Variants in TCF24 observed in about 807,000 individuals in gnomAD.
TCF24 encodes the protein transcription factor 24.
In TCF24, 5 loss-of-function variants were observed where a neutral mutation model predicts 9.3. The ratio of observed to expected loss-of-function variants is 0.54; its 90% CI spans 0.28 to 1.13. The LOEUF (loss-of-function observed/expected upper bound fraction) is 1.13, where lower values mean the gene tolerates loss of function less well. Ranked by LOEUF, TCF24 falls within the 50% of genes most tolerant of loss-of-function variation. The pLI is 0.09. For synonymous variants in TCF24, 110 were observed against 115.8 expected, an observed-to-expected ratio of 0.95 and a Z score of 0.32; for missense variants, 220 against 236.1, an observed-to-expected ratio of 0.93 and a Z score of 0.45.
chr8:66,949,525 TC>T (rs1318541173), intron 3 of TCF24, among the ~76,000 whole-genome samples: 2 of 152,222 alleles, frequency 1.3e-5, no homozygotes, highest in East Asian at 1.9e-4. Flanking sequence ...TTGGGTTGGT[TC>T]CAAGTCTTTG....
At chr8:66,961,274 C>T in intron 3 of TCF24, 102 bp downstream of exon 3, 1 of 1,294,910 alleles carries the variant, frequency 7.7e-7, no homozygotes, top group Non-Finnish European at 9.8e-7. Context: ...TCCCGCCTCA[C>T]CCGAAAAGGA....
intron 3 of TCF24, among the ~76,000 whole-genome samples, chr8:66,959,487 A>G (rs779648583): frequency 2.6e-5 from 4 of 152,242 alleles, no homozygotes; most frequent in Non-Finnish European, 5.9e-5. Context: ...GGCGGTTTCA[A>G]TTATGTACAT....
chr8:66,956,663 A>G (rs1814158530), intron 3 of TCF24, among the ~76,000 whole-genome samples: 1 of 152,130 alleles, frequency 6.6e-6, no homozygotes, highest in African/African-American at 2.4e-5. Context: ...CGCCCAGCCA[A>G]ACTAATATGT....
At chr8:66,950,775 G>T (rs1431921148) in intron 3 of TCF24, among the ~76,000 whole-genome samples, 4 of 151,218 alleles carry the variant, frequency 2.6e-5, no homozygotes, top group African/African-American at 9.7e-5. Context: ...ATTGAGCAGT[G>T]GTTTGTAGTT....
rs1305371132 is a variant in TCF24 at position 66,961,639 on chromosome 8, A to G, written c.127T>C (p.Ser43Pro). The G allele has an allele frequency of 1.6e-6, 2 of 1,246,268 alleles. No homozygotes were observed. The highest frequency in any genetic ancestry group is 3.1e-5 in the African/African-American group (2 of 63,674). 77.2% of individuals were successfully genotyped at this position (1,246,268 alleles called of 1,614,324 possible). A position where few individuals can be genotyped will look rare whatever the true frequency, so the allele number is the denominator to read the frequency against. Residue 43 changes from serine (S) to proline (P), a missense_variant, in exon 3 of 4, where the codon TCG (serine) becomes CCG (proline). Transcript: ENST00000563496. ...GCCGGCCGCCCGCTCCCGGAACGCG[A>G]GCCGCCCCCAGGGCCCGCCGGCCCC... is the stretch of plus-strand genomic sequence containing the variant. ...GPGPAGPGGG[S>P]RSGSGRPAAA...
intron 3 of TCF24, among the ~76,000 whole-genome samples, chr8:66,959,957 A>G (rs1422735981): frequency 6.6e-6 from 1 of 152,204 alleles, no homozygotes; most frequent in African/African-American, 2.4e-5. Context: ...ATTCCAAGAA[A>G]ATAAGTTGAA....
chr8:66,949,905 T>C (rs1487587128), intron 3 of TCF24, among the ~76,000 whole-genome samples: 63 of 144,210 alleles, frequency 4.4e-4, no homozygotes, highest in Non-Finnish European at 8.4e-4. Context: ...AAATGTCTTC[T>C]TTTGAGAAGT....
Position 66,961,694 on chromosome 8 carries a change from G to A in TCF24, c.72C>T (p.Ile24=), listed in dbSNP as rs950571000. 310 of 1,093,116 alleles carry A rather than the reference G, an allele frequency of 2.8e-4. No homozygotes were observed. The East Asian group carries it at 4.8e-3, about 17-fold the overall frequency. 67.7% of individuals were successfully genotyped at this position (1,093,116 alleles called of 1,614,324 possible). ...SAEPAPLAAA[I]RDSRPGRTGP... The stretch of plus-strand genomic sequence containing the variant: ...CGGTCCGCCCGGGACGCGAGTCGCG[G>A]ATGGCGGCGGCCAGGGGCGCGGGCT... The change falls in exon 3 of 4, where the codon ATC becomes ATT. Residue 24 remains isoleucine (I), a synonymous_variant. Coordinates refer to ENST00000563496, the MANE Select transcript of TCF24 (RefSeq NM_001193502.2).
At chr8:66,954,779 C>T (rs1357481767) in intron 3 of TCF24, among the ~76,000 whole-genome samples, 2 of 152,252 alleles carry the variant, frequency 1.3e-5, no homozygotes, top group Non-Finnish European at 2.9e-5. Context: ...GAGCCAGGTG[C>T]GGGATATAAT....
At chr8:66,960,006 A>G (rs181068818) in intron 3 of TCF24, among the ~76,000 whole-genome samples, 1 of 152,326 alleles carries the variant, frequency 6.6e-6, no homozygotes, top group African/African-American at 2.4e-5. Flanking sequence ...TATCTCCCAT[A>G]AAGTATTTAA....
Position 66,961,558 on chromosome 8 carries a change from G to A in TCF24, c.208C>T (p.Leu70=). The change falls in exon 3 of 4, where the codon CTG becomes TTG. Residue 70 remains leucine (L), a synonymous_variant. Transcript: ENST00000563496. ...GACGGCAGCGTGCGCTGCAGCTCCAGGAAAGCGTGCCGCAGGGTCTGCACC... is the reference window on the plus strand; with the variant it reads ...GACGGCAGCGTGCGCTGCAGCTCCAAGAAAGCGTGCCGCAGGGTCTGCACC... ...SRVQTLRHAF[L]ELQRTLPSVP... 1.3e-6 allele frequency: 2 copies of A among 1,498,936 alleles called. No homozygotes were observed. Among genetic ancestry groups the A allele is most frequent in the Middle Eastern group, 1.9e-4 (1 of 5,304 alleles). 92.9% of individuals were successfully genotyped at this position (1,498,936 alleles called of 1,614,324 possible).
intron 3 of TCF24, among the ~76,000 whole-genome samples, chr8:66,953,227 C>T: frequency 6.6e-6 from 1 of 152,138 alleles, no homozygotes; most frequent in Non-Finnish European, 1.5e-5. Flanking sequence ...TTTGCAGCGG[C>T]TGGTACCGGT....
In TCF24 at chr8:66,962,468, C is replaced by G. The variant is rs868156233; in HGVS notation, c.-274G>C. On this transcript the variant is annotated 5_prime_UTR_variant, in exon 1 of 4. Transcript: ENST00000563496. ...GCCCAAGTCGACGGCTGTTTCCAAC[C>G]TCCGCTGGCTGTGACTTTTATGCGG... 6.5e-6 allele frequency: 1 copy of G among 152,710 alleles called. No homozygotes were observed. The highest frequency in any genetic ancestry group is 2.4e-5 in the African/African-American group (1 of 41,482). 9.5% of individuals were successfully genotyped at this position (152,710 alleles called of 1,614,324 possible). A position where few individuals can be genotyped will look rare whatever the true frequency, so the allele number is the denominator to read the frequency against.
chr8:66,950,394 T>C (rs1031289007), intron 3 of TCF24, among the ~76,000 whole-genome samples: 1 of 152,178 alleles, frequency 6.6e-6, no homozygotes, highest in Non-Finnish European at 1.5e-5. Flanking sequence ...CTCAGGTTTG[T>C]CAAAGATCAG....
chr8:66,956,483 C>T (rs1814154253), intron 3 of TCF24, among the ~76,000 whole-genome samples: 1 of 152,184 alleles, frequency 6.6e-6, no homozygotes, highest in African/African-American at 2.4e-5. Context: ...CTGCCTGAGC[C>T]TCCCAAGTAG....
At chr8:66,950,942 G>A (rs1482302502) in intron 3 of TCF24, among the ~76,000 whole-genome samples, 1 of 151,494 alleles carries the variant, frequency 6.6e-6, no homozygotes, top group Admixed American at 6.6e-5. Context: ...CATTGATTTT[G>A]TATCCTGAGA....
chr8:66,955,570 G>T (rs1814140733), intron 3 of TCF24, among the ~76,000 whole-genome samples: 1 of 152,102 alleles, frequency 6.6e-6, no homozygotes, highest in Admixed American at 6.5e-5. Context: ...TCAAATAGAG[G>T]TACAATTATT....
intron 3 of TCF24, among the ~76,000 whole-genome samples, chr8:66,948,654 A>T (rs142347971): frequency 2.3e-4 from 33 of 146,648 alleles, no homozygotes; most frequent in African/African-American, 5.6e-4. Context: ...AAAAGTGTCA[A>T]CTATCTATCT....
rs1563408320 is a variant in TCF24, at chr8:66,960,983, G to A, written c.390+393C>T. On this transcript the variant is annotated intron_variant, in intron 3 of 3. Transcript: ENST00000563496. ...ATATCCCATAAAAATCAATGAAAGC[G>A]TAATTATGTAAATAAAAGATGCTTA... Among the ~76,000 whole-genome samples the A allele has an allele frequency of 2.0e-5, 3 of 152,256 alleles. No individual in the cohort carries two copies. In the South Asian group the frequency reaches 6.2e-4, roughly 32 times the overall value.
Sources: gnomAD v4.1 joint callset for allele counts (sites outside exome capture counted in the v4.1 genomes callset) on GRCh38, gnomAD v4.1.1 for gene constraint, MANE v1.5 for transcripts, NCBI Gene and HGNC (gene_info 2026-07-23, HGNC 2026-07-21) for gene names.